Variants in MARCHF1 observed in about 807,000 individuals in gnomAD.
The protein encoded by MARCHF1 is membrane associated ring-CH-type finger 1.
MARCHF1 carries 40 observed loss-of-function variants against 54.2 expected under a neutral mutation model. The ratio of observed to expected loss-of-function variants is 0.74; its 90% CI spans 0.57 to 0.96. MARCHF1 has a LOEUF of 0.96. MARCHF1 is among the 40% of genes least tolerant of loss of function. The pLI, the probability that MARCHF1 is intolerant of heterozygous loss-of-function variation, is 0.00. For synonymous variants in MARCHF1, 236 were observed against 236.3 expected, an observed-to-expected ratio of 1.00 and a Z score of 0.01; for missense variants, 586 against 656.5, an observed-to-expected ratio of 0.89 and a Z score of 1.17.
chr4:163,613,509 C>T, intron 5 of MARCHF1, 116 bp from the exon 6 acceptor site: 3 of 1,609,432 alleles, frequency 1.9e-6, no homozygotes, highest in Non-Finnish European at 8.5e-7. Context: ...GGTCATGTTG[C>T]TTATAATGCA....
intron 8 of MARCHF1, among the ~76,000 whole-genome samples, chr4:163,577,612 C>T (rs573172540): frequency 6.6e-6 from 1 of 152,102 alleles, no homozygotes; most frequent in South Asian, 2.1e-4. Flanking sequence ...TTTCTTGTAT[C>T]TGGATGTCTA....
Position 164,345,718 on chromosome 4 carries a change from T to G in MARCHF1, c.-323+38152A>C, listed in dbSNP as rs184864872. 2.5e-4 allele frequency among the ~76,000 whole-genome samples: 38 copies of G among 152,124 alleles called. 4 individuals carry two copies. The East Asian group carries it at 3.7e-3, about 15-fold the overall frequency. On this transcript the variant is annotated intron_variant, in intron 1 of 9. Coordinates refer to ENST00000514618, the MANE Select transcript of MARCHF1 (RefSeq NM_001394959.1). ...CCTTACTGTGAACTCTTGTCAATGT[T>G]AAATATTGTTATTGGACCTTGGCTT...
intron 5 of MARCHF1, among the ~76,000 whole-genome samples, chr4:163,648,618 A>AC (rs1742848604): frequency 6.6e-6 from 1 of 151,366 alleles, no homozygotes; most frequent in Non-Finnish European, 1.5e-5. Flanking sequence ...GAGCTAAAAA[A>AC]AAAAAAAAAA....
At chr4:164,190,682 T>C (rs1731101065) in intron 1 of MARCHF1, among the ~76,000 whole-genome samples, 1 of 152,236 alleles carries the variant, frequency 6.6e-6, no homozygotes. Context: ...TTATTTGCAC[T>C]GGTCTAAAAA....
intron 2 of MARCHF1, among the ~76,000 whole-genome samples, chr4:164,090,784 T>G (rs1755281505): frequency 6.6e-6 from 1 of 151,878 alleles, no homozygotes; most frequent in Non-Finnish European, 1.5e-5. Flanking sequence ...GTGGCAAAAC[T>G]AAGAGAAAAA....
intron 3 of MARCHF1, among the ~76,000 whole-genome samples, chr4:163,922,932 T>C (rs1053228340): frequency 2.6e-5 from 4 of 152,118 alleles, no homozygotes; most frequent in Non-Finnish European, 5.9e-5. Flanking sequence ...TTCAGCTCAA[T>C]CAAGTAATCA....
chr4:164,205,093 A>G (rs1328369361), intron 1 of MARCHF1, among the ~76,000 whole-genome samples: 1 of 152,124 alleles, frequency 6.6e-6, no homozygotes, highest in South Asian at 2.1e-4. Flanking sequence ...CTGAGTTTAA[A>G]TCTACTATTC....
chr4:163,637,363 T>C (rs999850465), intron 5 of MARCHF1, among the ~76,000 whole-genome samples: 4 of 151,938 alleles, frequency 2.6e-5, no homozygotes, highest in Admixed American at 1.3e-4. Flanking sequence ...AAAGGGCTAA[T>C]AGCCAGAATC....
intron 1 of MARCHF1, among the ~76,000 whole-genome samples, chr4:164,376,739 T>G (rs958681734): frequency 2.6e-5 from 4 of 152,120 alleles, no homozygotes; most frequent in African/African-American, 9.7e-5. Context: ...GGGGGAAAGA[T>G]AAGACATGCT....
At chr4:163,736,239 T>C (rs1746030263) in intron 4 of MARCHF1, among the ~76,000 whole-genome samples, 1 of 152,118 alleles carries the variant, frequency 6.6e-6, no homozygotes, top group African/African-American at 2.4e-5. Context: ...GGAGACATTA[T>C]TAAGTAAAAT....
At chr4:164,287,979 C>G (rs953533735) in intron 1 of MARCHF1, among the ~76,000 whole-genome samples, 1 of 152,088 alleles carries the variant, frequency 6.6e-6, no homozygotes, top group Non-Finnish European at 1.5e-5. Flanking sequence ...TTAACATAAA[C>G]TGGCCCAGAA....
chr4:163,562,311 C>A (rs1035402779), intron 8 of MARCHF1, among the ~76,000 whole-genome samples: 1 of 150,758 alleles, frequency 6.6e-6, no homozygotes, highest in Non-Finnish European at 1.5e-5. Flanking sequence ...CAAAACAAAA[C>A]AAAACAAAAC....
chr4:163,764,739 A>C (rs1319109328), intron 4 of MARCHF1, among the ~76,000 whole-genome samples: 5 of 152,066 alleles, frequency 3.3e-5, no homozygotes, highest in African/African-American at 4.8e-5. Context: ...GTGAGTCAGC[A>C]AAGGAGTATG....
chr4:164,310,067 A>T (rs1734806884), intron 1 of MARCHF1, among the ~76,000 whole-genome samples: 2 of 151,526 alleles, frequency 1.3e-5, no homozygotes, highest in Admixed American at 1.3e-4. Flanking sequence ...AATTCTTTTT[A>T]TTTTTTTAAT....
At chr4:164,080,324 A>G (rs1447590353) in intron 2 of MARCHF1, among the ~76,000 whole-genome samples, 1 of 152,220 alleles carries the variant, frequency 6.6e-6, no homozygotes, top group African/African-American at 2.4e-5. Context: ...GATGCAAAAT[A>G]ATGAACAAAT....
chr4:164,010,232 T>G (rs536802303), intron 2 of MARCHF1, among the ~76,000 whole-genome samples: 6 of 149,108 alleles, frequency 4.0e-5, no homozygotes, highest in South Asian at 2.1e-4. Flanking sequence ...ACGCTCAGCG[T>G]TTTTTTTTGT....
intron 4 of MARCHF1, among the ~76,000 whole-genome samples, chr4:163,732,349 G>A (rs1745869632): frequency 6.6e-6 from 1 of 151,904 alleles, no homozygotes; most frequent in Admixed American, 6.6e-5. Flanking sequence ...AACATTTAAA[G>A]TGAAACACAG....
intron 3 of MARCHF1, among the ~76,000 whole-genome samples, chr4:163,902,887 T>C (rs79327086): frequency 0.013 from 1,940 of 152,280 alleles, 44 homozygotes; most frequent in African/African-American, 0.044. Flanking sequence ...ACTCCTGTTA[T>C]ATAGCTCCAT....
At chr4:164,257,296 A>AT (rs901403626) in intron 1 of MARCHF1, among the ~76,000 whole-genome samples, 3 of 151,828 alleles carry the variant, frequency 2.0e-5, no homozygotes, top group African/African-American at 7.3e-5. Context: ...TTTTATCTTA[A>AT]TTTTTTTTAA....
Sources: gnomAD v4.1 joint callset for allele counts (sites outside exome capture counted in the v4.1 genomes callset) on GRCh38, gnomAD v4.1.1 for gene constraint, MANE v1.5 for transcripts, NCBI Gene and HGNC (gene_info 2026-07-23, HGNC 2026-07-21) for gene names.